The following NDOR1 variants were observed in gnomAD, a reference collection of about 807,000 sequenced individuals.
NDOR1 encodes the protein NADPH-dependent diflavin oxidoreductase 1.
A neutral mutation model predicts 67.2 loss-of-function variants in NDOR1; 61 were observed. The ratio of observed to expected loss-of-function variants is 0.91; its 90% confidence interval spans 0.74 to 1.12. The LOEUF is 1.12. NDOR1 is among the 50% of genes most tolerant of loss of function. The pLI is 0.00. For missense variants in NDOR1, 878 were observed against 802.8 expected (o/e 1.09, Z -1.13); for synonymous variants, 378 against 343.7 (o/e 1.10, Z -1.10).
rs55980756 is a variant in NDOR1 at position 137,215,025 on chromosome 9, T to C, written c.1065+7T>C. ...CCGCAGGACCATCCTGGAGGTGAGA[T>C]GGGAGGGCGGCAGGCCCAGCCCCTG... is the stretch of plus-strand genomic sequence containing the variant. On this transcript the variant is annotated splice_region_variant and intron_variant, in intron 8 of 13. Transcript: ENST00000684003. 0.041 allele frequency: 66,067 copies of C among 1,611,184 alleles called. 1,778 individuals carry two copies. Among genetic ancestry groups the C allele is most frequent in the African/African-American group, 0.11 (8,434 of 74,980 alleles).
chr9:137,210,856 A>G (rs1180107215), intron 2 of NDOR1, among the ~76,000 whole-genome samples: 1 of 152,104 alleles, frequency 6.6e-6, no homozygotes, highest in African/African-American at 2.4e-5. Context: ...CAACAACAAA[A>G]AAGGCCGGGC....
intron 12 of NDOR1, 32 bp downstream of exon 12, chr9:137,216,049 G>A: frequency 6.2e-7 from 1 of 1,613,474 alleles, no homozygotes; most frequent in Non-Finnish European, 8.5e-7. Context: ...GAAAGGAGGG[G>A]AGGGAGCTCC....
rs767921020 is a variant in NDOR1 at position 137,205,728 on chromosome 9, G to A, written c.-50G>A. 9 of 1,597,510 alleles carry A rather than the reference G, an allele frequency of 5.6e-6. No homozygotes were observed. Among genetic ancestry groups the A allele is most frequent in the South Asian group, 4.4e-5 (4 of 91,024 alleles). On this transcript the variant is annotated 5_prime_UTR_variant, in exon 1 of 14. Coordinates refer to ENST00000684003, the MANE Select transcript of NDOR1 (RefSeq NM_014434.4). ...GCGGTCCCTGCAACCCGGCCGGCGG[G>A]AACTGCCTTCTAGTTTTTAGTCTCA... is the stretch of plus-strand genomic sequence containing the variant.
In NDOR1 at chr9:137,216,257, G is replaced by A. The variant is rs370086106; in HGVS notation, c.1650-15G>A. 12 of 1,612,886 alleles carry A rather than the reference G, an allele frequency of 7.4e-6. No individual in the cohort carries two copies. Among genetic ancestry groups the A allele is most frequent in the Middle Eastern group, 1.6e-4 (1 of 6,062 alleles). On this transcript the variant is annotated splice_polypyrimidine_tract_variant and intron_variant, in intron 13 of 13. Transcript: ENST00000684003. ...TGCCAGGCCTCATTGCGCCTTCTGC[G>A]ACCTGCCCCTCTAGCAACGCCAAGT...
In NDOR1 at chr9:137,214,008, A is replaced by G; in HGVS notation, c.452A>G (p.Asp151Gly). The G allele has an allele frequency of 1.3e-6, 2 of 1,552,794 alleles. No individual in the cohort carries two copies. Among genetic ancestry groups the G allele is most frequent in the African/African-American group, 2.7e-5 (2 of 73,680 alleles). ...GACCCCTGGCTGCGAGACTTGTGGG[A>G]CAGGGTTCTGGGGCTGTACCCGCCG... Reference protein sequence around the residue: ...AVDPWLRDLWDRVLGLYPPPP... With the variant: ...AVDPWLRDLWGRVLGLYPPPP... Residue 151 changes from aspartate (D) to glycine (G), a missense_variant, in exon 5 of 14, where the codon GAC becomes GGC. Physicochemically the swap from Asp to Gly is moderately conservative, Grantham distance 94. Coordinates refer to ENST00000684003, the MANE Select transcript of NDOR1 (RefSeq NM_014434.4).
Position 137,213,831 on chromosome 9 carries a change from C to T in NDOR1, c.363C>T (p.Gly121=). The change falls in exon 4 of 14, where the codon GGC becomes GGT. Residue 121 remains glycine (G), a synonymous_variant. Coordinates refer to ENST00000684003, the MANE Select transcript of NDOR1 (RefSeq NM_014434.4). ...KLHRRLLQLG[G]SALLPVCLGD... ...ACCGACGGCTACTGCAGCTTGGGGG[C>T]AGCGCCCTCCTGCCCGTGTGCCTGG... 2 of 1,612,096 alleles carry T rather than the reference C, an allele frequency of 1.2e-6. No individual in the cohort carries two copies. Among genetic ancestry groups the T allele is most frequent in the Non-Finnish European group, 1.7e-6 (2 of 1,179,474 alleles).
At chr9:137,211,704 C>T (rs1835265955) in intron 2 of NDOR1, among the ~76,000 whole-genome samples, 1 of 151,994 alleles carries the variant, frequency 6.6e-6, no homozygotes, top group Non-Finnish European at 1.5e-5. Context: ...AGTGAGGTCC[C>T]GGGAGGCCAG....
At chr9:137,210,525 A>C (rs1027464464) in intron 2 of NDOR1, among the ~76,000 whole-genome samples, 3 of 152,088 alleles carry the variant, frequency 2.0e-5, no homozygotes, top group Non-Finnish European at 4.4e-5. Flanking sequence ...TAGTTCTTTA[A>C]ATGGACATGA....
At chr9:137,213,122 CAG>C (rs1421015683) in intron 3 of NDOR1, among the ~76,000 whole-genome samples, 2 of 151,992 alleles carry the variant, frequency 1.3e-5, no homozygotes, top group Admixed American at 6.6e-5. Context: ...TTTGCATAGC[CAG>C]GTGTCAGTCA....
In NDOR1 at chr9:137,205,782, C is replaced by T. The variant is rs777721628; in HGVS notation, c.5C>T (p.Pro2Leu). 2 of 1,603,826 alleles carry T rather than the reference C, an allele frequency of 1.2e-6. No individual in the cohort carries two copies. The highest frequency in any genetic ancestry group is 2.7e-5 in the African/African-American group (2 of 74,918). Reference protein sequence around the residue: MPSPQLLVLFGS... With the variant: MLSPQLLVLFGS... ...CAGACCACCGGGCGCACCCCGATGC[C>T]GAGCCCGCAGCTTCTGGTGCTCTTC... is the stretch of plus-strand genomic sequence containing the variant. The change falls in exon 1 of 14, where the codon CCG (proline) becomes CTG (leucine). Residue 2 changes from proline (P) to leucine (L), a missense_variant. Pro to Leu is a moderately conservative substitution (Grantham distance 98). Transcript: ENST00000684003.
In NDOR1 at chr9:137,215,796, G is replaced by A. The variant is rs1165171506; in HGVS notation, c.1426G>A (p.Gly476Ser). ...RAAIQERVAQ[G>S]QTGNFLFFGC... ...AGCCATCCAGGAGCGTGTGGCCCAG[G>A]GCCAGACTGGTGAGCACCCAGGGTC... The change falls in exon 11 of 14, where the codon GGC becomes AGC. Residue 476 changes from glycine to serine, a missense_variant. Coordinates refer to ENST00000684003, the MANE Select transcript of NDOR1 (RefSeq NM_014434.4). 2 of 1,597,498 alleles carry A rather than the reference G, an allele frequency of 1.3e-6. No individual in the cohort carries two copies. Among genetic ancestry groups the A allele is most frequent in the Admixed American group, 1.7e-5 (1 of 59,000 alleles).
Position 137,212,863 on chromosome 9 carries a change from C to G in NDOR1, c.311+264C>G, listed in dbSNP as rs1446306890. ...CACACAGGCCTACCTGGCGCCGGTC[C>G]CCACTTTTACAAAAAGGCGTGCTGT... On this transcript the variant is annotated intron_variant, in intron 3 of 13. Transcript: ENST00000684003. This position sits in a 1 kb window ranked among gnomAD's most constrained non-coding sequence, Gnocchi z 4.3. The G allele has an allele frequency of 4.2e-6, 2 of 476,844 alleles. No homozygotes were observed. Among genetic ancestry groups the G allele is most frequent in the Non-Finnish European group, 7.6e-6 (2 of 262,052 alleles). The allele number at this position is 476,844 out of a possible 1,614,324, so 29.5% of individuals were successfully genotyped here.
At chr9:137,213,375 C>T (rs931792734) in intron 3 of NDOR1, among the ~76,000 whole-genome samples, 15 of 152,294 alleles carry the variant, frequency 9.8e-5, no homozygotes, top group Middle Eastern at 3.4e-3. Flanking sequence ...AACTGACCCC[C>T]GGGAAGATGC....
At chr9:137,205,996 G>A (rs893305865) in intron 1 of NDOR1, 84 bp downstream of exon 1, 1 of 1,487,330 alleles carries the variant, frequency 6.7e-7, no homozygotes. Context: ...AAAAGGCGTC[G>A]CATTTTCTCT....
Position 137,212,742 on chromosome 9 carries a change from C to T in NDOR1, c.311+143C>T, listed in dbSNP as rs953498307. 16 of 723,140 alleles carry T rather than the reference C, an allele frequency of 2.2e-5. No individual in the cohort carries two copies. The highest frequency in any genetic ancestry group is 3.3e-5 in the South Asian group (2 of 60,712). 44.8% of individuals were successfully genotyped at this position (723,140 alleles called of 1,614,324 possible). On this transcript the variant is annotated intron_variant, in intron 3 of 13. Transcript: ENST00000684003. This position sits in a 1 kb window ranked among gnomAD's most constrained non-coding sequence, Gnocchi z 4.3. ...CGCAGTGGTACTGGCTTCTCCACAA[C>T]GCTCCCTGGTGGGCACCCCAGGCTT...
At chr9:137,210,821 T>C (rs974362898) in intron 2 of NDOR1, among the ~76,000 whole-genome samples, 3 of 151,942 alleles carry the variant, frequency 2.0e-5, no homozygotes, top group African/African-American at 7.3e-5. Flanking sequence ...CATTCCAGCT[T>C]GGATGACAGA....
At position 137,216,363 on chromosome 9, in the gene NDOR1, T is replaced by TA. The variant is rs1450169838; in HGVS notation, c.1742dup (p.Tyr581Ter). The TA allele has an allele frequency of 6.2e-7, 1 of 1,608,546 alleles. No individual in the cohort carries two copies. The highest frequency in any genetic ancestry group is 2.2e-5 in the East Asian group (1 of 44,888). ...GGLCSPDAAA[Y>*]LARLQQTRRF... ...ACTCTGCAGCCCGGACGCAGCCGCGTATCTAGCCAGGCTCCAGCAGACACG... is the reference window on the plus strand; with the variant it reads ...ACTCTGCAGCCCGGACGCAGCCGCGTAATCTAGCCAGGCTCCAGCAGACACG... Residue 581 changes from tyrosine to a stop codon, truncating the protein, a stop_gained and frameshift_variant, in exon 14 of 14, where the codon TAT (tyrosine) becomes TAAT (stop). Transcript: ENST00000684003. LOFTEE classifies it high-confidence loss of function.
At chr9:137,211,115 T>C (rs1835232490) in intron 2 of NDOR1, among the ~76,000 whole-genome samples, 1 of 152,234 alleles carries the variant, frequency 6.6e-6, no homozygotes, top group African/African-American at 2.4e-5. Flanking sequence ...CACTCCAGCC[T>C]GGGCTACAGA....
chr9:137,206,429 A>G (rs540133047), intron 2 of NDOR1, 120 bp downstream of exon 2: 3 of 1,078,916 alleles, frequency 2.8e-6, no homozygotes, highest in South Asian at 2.6e-5. Context: ...TCAGAGGTGG[A>G]TTTGAGAGAA....
Sources: allele counts gnomAD v4.1 joint callset (sites outside exome capture counted in the v4.1 genomes callset), GRCh38; gene constraint gnomAD v4.1.1; non-coding constraint Gnocchi (gnomAD v3.1); transcripts MANE v1.5; gene names NCBI Gene and HGNC (gene_info 2026-07-23, HGNC 2026-07-21).